PCBP3: variants seen among roughly 807,000 people sequenced by gnomAD.
The protein encoded by PCBP3 is poly(rC)-binding protein 3.
A neutral mutation model predicts 52.7 loss-of-function variants in PCBP3; 25 were observed. The observed-to-expected ratio is 0.47, with a 90% CI of 0.35 to 0.66. The LOEUF (loss-of-function observed/expected upper bound fraction) is 0.66, where lower values mean the gene tolerates loss of function less well. Among genes scored for constraint, PCBP3 ranks in the 30% least tolerant of loss-of-function variants. The pLI, the probability that PCBP3 is intolerant of heterozygous loss-of-function variation, is 0.01. For missense variants in PCBP3, 391 were observed against 490.3 expected, an observed-to-expected ratio of 0.80 and a Z score of 1.91; for synonymous variants, 162 against 183.0, an observed-to-expected ratio of 0.89 and a Z score of 0.93.
At chr21:45,804,393 G>A (rs1022060671) in intron 4 of PCBP3, among the ~76,000 whole-genome samples, 2 of 152,150 alleles carry the variant, frequency 1.3e-5, no homozygotes, top group African/African-American at 4.8e-5. Context: ...CCAGCTATTT[G>A]AAAGGCTTTG....
intron 4 of PCBP3, among the ~76,000 whole-genome samples, chr21:45,833,611 A>C (rs889935786): frequency 3.3e-5 from 5 of 152,200 alleles, no homozygotes; most frequent in African/African-American, 4.8e-5. Flanking sequence ...CTTCACCAGG[A>C]TTCCAGACAC....
intron 2 of PCBP3, among the ~76,000 whole-genome samples, chr21:45,680,293 G>A (rs2081758904): frequency 6.6e-6 from 1 of 152,096 alleles, no homozygotes; most frequent in African/African-American, 2.4e-5. Context: ...CATTAAATTT[G>A]TATAATAATT....
chr21:45,822,604 A>G (rs1213679358), intron 4 of PCBP3, among the ~76,000 whole-genome samples: 4 of 150,644 alleles, frequency 2.7e-5, no homozygotes, highest in East Asian at 3.9e-4. Flanking sequence ...CGGACCCAGC[A>G]CAGGATAGGG....
intron 5 of PCBP3, among the ~76,000 whole-genome samples, chr21:45,868,399 G>A (rs1333997700): frequency 7.1e-6 from 1 of 140,718 alleles, no homozygotes; most frequent in African/African-American, 2.6e-5. Flanking sequence ...TGTTTGTGTT[G>A]ACTTATTTGT....
At chr21:45,740,794 G>T (rs1240079307) in intron 3 of PCBP3, among the ~76,000 whole-genome samples, 1 of 152,154 alleles carries the variant, frequency 6.6e-6, no homozygotes, top group African/African-American at 2.4e-5. Flanking sequence ...TCTGTTATAT[G>T]TGTGTGTGTT....
intron 2 of PCBP3, among the ~76,000 whole-genome samples, chr21:45,733,205 C>A (rs1442420962): frequency 6.6e-6 from 1 of 152,140 alleles, no homozygotes; most frequent in East Asian, 1.9e-4. Context: ...TTTAAAAATA[C>A]TTTTCTTGTC....
In PCBP3 at chr21:45,827,630, T is replaced by C. The variant is rs1480141816; in HGVS notation, c.-125-22331T>C. Among the ~76,000 whole-genome samples the C allele has an allele frequency of 6.6e-6, 1 of 152,208 alleles. No individual in the cohort carries two copies. The highest frequency in any genetic ancestry group is 1.5e-5 in the Non-Finnish European group (1 of 68,036). Reference sequence around the variant, plus strand: ...AACTGAAAGTACAGCCACCAGAATTTAGAAATTCACATTGTACACTGTGAT... The same window carrying C: ...AACTGAAAGTACAGCCACCAGAATTCAGAAATTCACATTGTACACTGTGAT... On this transcript the variant is annotated intron_variant, in intron 4 of 17. Transcript: ENST00000681687. This position sits in a 1 kb window ranked among gnomAD's most constrained non-coding sequence, Gnocchi z 4.3.
chr21:45,787,583 C>T (rs540054348), intron 4 of PCBP3, among the ~76,000 whole-genome samples: 8 of 152,226 alleles, frequency 5.3e-5, no homozygotes, highest in African/African-American at 1.9e-4. Flanking sequence ...GAAGTGTTTC[C>T]TTGCTGCCTA....
At position 45,791,105 on chromosome 21, in the gene PCBP3, G is replaced by A. The variant is rs374664725; in HGVS notation, c.-126+35653G>A. The stretch of plus-strand genomic sequence containing the variant: ...ACCGAGGCCAGCATCTTGCAGTGGC[G>A]AAGGTGCAGAGATGGTGGGGTCCAT... On this transcript the variant is annotated intron_variant, in intron 4 of 17. Coordinates refer to ENST00000681687, the MANE Select transcript of PCBP3 (RefSeq NM_001384156.1). This position sits in a 1 kb window ranked among gnomAD's most constrained non-coding sequence, Gnocchi z 4.2. 5.9e-5 allele frequency among the ~76,000 whole-genome samples: 9 copies of A among 152,288 alleles called. No individual in the cohort carries two copies. The highest frequency in any genetic ancestry group is 3.9e-4 in the East Asian group (2 of 5,156).
chr21:45,646,399 C>G (rs1453019460), intron 1 of PCBP3, among the ~76,000 whole-genome samples: 1 of 152,088 alleles, frequency 6.6e-6, no homozygotes, highest in Non-Finnish European at 1.5e-5. Flanking sequence ...AAATCACTGA[C>G]ATTAAATGAA....
intron 1 of PCBP3, among the ~76,000 whole-genome samples, chr21:45,666,882 T>C (rs1199209379): frequency 6.6e-6 from 1 of 152,086 alleles, no homozygotes; most frequent in Non-Finnish European, 1.5e-5. Flanking sequence ...TTCACAACTC[T>C]TTGTCTTTTG....
chr21:45,660,947 A>G (rs151265022), intron 1 of PCBP3, among the ~76,000 whole-genome samples: 7,489 of 152,188 alleles, frequency 0.049, 405 homozygotes, highest in East Asian at 0.12. Flanking sequence ...AGGCTGAGAC[A>G]GGAGAATTGC....
intron 3 of PCBP3, among the ~76,000 whole-genome samples, chr21:45,743,472 G>A (rs2086598450): frequency 6.6e-6 from 1 of 152,176 alleles, no homozygotes; most frequent in South Asian, 2.1e-4. Context: ...TACTATTTAG[G>A]TGGTTGTATG....
intron 16 of PCBP3, 130 bp from the exon 17 acceptor site, chr21:45,939,900 T>G: frequency 2.5e-6 from 2 of 785,104 alleles, no homozygotes; most frequent in Non-Finnish European, 4.1e-6. Flanking sequence ...TCCGGGGTGT[T>G]GAGCTCAGGT....
rs2096134240 is a variant in PCBP3, at chr21:45,904,007, C to A, written c.339+2894C>A. Among the ~76,000 whole-genome samples the A allele has an allele frequency of 6.6e-6, 1 of 152,176 alleles. No homozygotes were observed. The highest frequency in any genetic ancestry group is 1.5e-5 in the Non-Finnish European group (1 of 68,040). The stretch of plus-strand genomic sequence containing the variant: ...TTAGCAATACTTGTAAGACCCCTTG[C>A]AATGAGTTTAGAGAAACAGATTTTC... On this transcript the variant is annotated intron_variant, in intron 9 of 17. Coordinates refer to ENST00000681687, the MANE Select transcript of PCBP3 (RefSeq NM_001384156.1). The surrounding 1 kb of genome is among the most constrained non-coding windows in gnomAD (Gnocchi z 4.8).
intron 5 of PCBP3, among the ~76,000 whole-genome samples, chr21:45,883,022 T>C (rs1172685724): frequency 6.6e-6 from 1 of 152,260 alleles, no homozygotes; most frequent in Non-Finnish European, 1.5e-5. Context: ...TCTTCAAATG[T>C]GTGTGTTTCG....
chr21:45,656,607 G>A lies in PCBP3; in HGVS notation c.-278-12267G>A, dbSNP rs894371052. ...GTATACCTGTGTAACAAACCTGCAC[G>A]TTCTGCACATGTATTCCAGAACTTA... On this transcript the variant is annotated intron_variant, in intron 1 of 17. Transcript: ENST00000681687. The surrounding 1 kb of genome is among the most constrained non-coding windows in gnomAD (Gnocchi z 4.3). Among the ~76,000 whole-genome samples the A allele has an allele frequency of 2.0e-5, 3 of 151,852 alleles. No homozygotes were observed. The highest frequency in any genetic ancestry group is 2.1e-4 in the South Asian group (1 of 4,814).
intron 2 of PCBP3, among the ~76,000 whole-genome samples, chr21:45,687,218 C>G (rs902613584): frequency 2.0e-5 from 3 of 152,016 alleles, no homozygotes; most frequent in African/African-American, 7.2e-5. Context: ...AGACTGTCAA[C>G]CTATAATTCT....
At chr21:45,670,116 C>T (rs1157353521) in intron 2 of PCBP3, among the ~76,000 whole-genome samples, 4 of 152,012 alleles carry the variant, frequency 2.6e-5, no homozygotes, top group African/African-American at 9.7e-5. Flanking sequence ...CACATCCTAA[C>T]CAACACTTAT....
Sources: allele counts gnomAD v4.1 joint callset (sites outside exome capture counted in the v4.1 genomes callset), GRCh38; gene constraint gnomAD v4.1.1; non-coding constraint Gnocchi (gnomAD v3.1); transcripts MANE v1.5; gene names NCBI Gene and HGNC (gene_info 2026-07-23, HGNC 2026-07-21).